Variants in ZFHX3 observed in about 807,000 individuals in gnomAD.
ZFHX3 encodes zinc finger homeobox protein 3.
ZFHX3 carries 42 observed loss-of-function variants against 279.1 expected under a neutral mutation model. The observed-to-expected ratio is 0.15, with a 90% CI of 0.12 to 0.19. The LOEUF (loss-of-function observed/expected upper bound fraction) is 0.19, where lower values mean the gene tolerates loss of function less well. ZFHX3 is among the 10% of genes least tolerant of loss of function. The probability of loss-of-function intolerance (pLI) is 1.00; values close to 1 mark genes in which losing one functional copy is unlikely to be tolerated. For missense variants in ZFHX3, 4,981 were observed against 4,754.0 expected (o/e 1.05, Z -1.40); for synonymous variants, 2,293 against 1,957.8 (o/e 1.17, Z -4.52).
At chr16:73,164,002 A>T (rs1415477335) in intron 5 of ZFHX3, among the ~76,000 whole-genome samples, 1 of 152,170 alleles carries the variant, frequency 6.6e-6, no homozygotes, top group East Asian at 1.9e-4. Flanking sequence ...GAGGTTGGTT[A>T]AAAGCCTGGC....
intron 4 of ZFHX3, among the ~76,000 whole-genome samples, chr16:73,280,378 A>C (rs1472706301): frequency 6.6e-6 from 1 of 152,222 alleles, no homozygotes; most frequent in Non-Finnish European, 1.5e-5. Flanking sequence ...TATCCAAAAT[A>C]CATTAAAAAC....
Position 73,807,620 on chromosome 16 carries a change from A to ATTTTTTTT in ZFHX3, c.-1608+84023_-1608+84030dup, listed in dbSNP as rs55806545. Reference sequence around the variant, plus strand: ...TACAGGCACATTCCACCATGCCCCAATTTTTTTTTTTTTTTTTTTTTTTTT... The same window carrying ATTTTTTTT: ...TACAGGCACATTCCACCATGCCCCAATTTTTTTTTTTTTTTTTTTTTTTTTTTTTTTTT... On this transcript the variant is annotated intron_variant, in intron 1 of 17. Coordinates refer to the ZFHX3 transcript ENST00000641206. Among the ~76,000 whole-genome samples the ATTTTTTTT allele has an allele frequency of 2.6e-4, 18 of 70,580 alleles. 1 individual carries two copies. The highest frequency in any genetic ancestry group is 9.8e-4 in the African/African-American group (18 of 18,276). The allele number at this position is 70,580 out of a possible 152,430, so 46.3% of individuals were successfully genotyped here. A position where few individuals can be genotyped will look rare whatever the true frequency, so the allele number is the denominator to read the frequency against.
At chr16:72,946,812 T>C (rs1960702205) in intron 3 of ZFHX3, among the ~76,000 whole-genome samples, 1 of 152,042 alleles carries the variant, frequency 6.6e-6, no homozygotes, top group African/African-American at 2.4e-5. Flanking sequence ...AGATTGAGAG[T>C]GGGGCCAGGG....
intron 2 of ZFHX3, among the ~76,000 whole-genome samples, chr16:73,490,819 A>C (rs1256075873): frequency 6.6e-6 from 1 of 152,222 alleles, no homozygotes; most frequent in Non-Finnish European, 1.5e-5. Flanking sequence ...CCTGGACAAC[A>C]GAACAAGACC....
At chr16:73,708,010 T>C (rs576390815) in intron 1 of ZFHX3, among the ~76,000 whole-genome samples, 41 of 149,098 alleles carry the variant, frequency 2.7e-4, no homozygotes, top group Middle Eastern at 3.4e-3. Flanking sequence ...CAGAGCTGGG[T>C]GGTAGAGATA....
At chr16:73,102,100 G>A (rs1055390876) in intron 7 of ZFHX3, among the ~76,000 whole-genome samples, 4 of 151,786 alleles carry the variant, frequency 2.6e-5, no homozygotes, top group African/African-American at 9.7e-5. Flanking sequence ...TTTTAGTAGA[G>A]ACGAGGTTTT....
At chr16:73,843,097 G>T (rs1037625469) in intron 1 of ZFHX3, among the ~76,000 whole-genome samples, 4 of 152,160 alleles carry the variant, frequency 2.6e-5, no homozygotes, top group Non-Finnish European at 5.9e-5. Context: ...TTCCAGAATA[G>T]GTGTCAATTT....
intron 3 of ZFHX3, among the ~76,000 whole-genome samples, chr16:72,918,226 G>C (rs1400615833): frequency 6.6e-6 from 1 of 152,134 alleles, no homozygotes; most frequent in Non-Finnish European, 1.5e-5. Context: ...GTCAAAAGCA[G>C]GGGGCAAGGA....
chr16:73,257,402 G>C (rs1420939708), intron 4 of ZFHX3, among the ~76,000 whole-genome samples: 1 of 152,172 alleles, frequency 6.6e-6, no homozygotes, highest in African/African-American at 2.4e-5. Flanking sequence ...CCATGGACTT[G>C]ACTCTGAATT....
intron 3 of ZFHX3, among the ~76,000 whole-genome samples, chr16:73,383,367 C>T (rs1004517664): frequency 2.0e-5 from 3 of 152,208 alleles, no homozygotes; most frequent in Non-Finnish European, 4.4e-5. Flanking sequence ...AAAGCCGAGG[C>T]TGTAGAGCGG....
intron 3 of ZFHX3, among the ~76,000 whole-genome samples, chr16:73,391,251 A>T (rs1026717430): frequency 1.3e-5 from 2 of 152,104 alleles, no homozygotes; most frequent in African/African-American, 4.8e-5. Context: ...CAAGGCATGC[A>T]GATGAGTTCA....
At chr16:73,012,545 C>T (rs977300204) in intron 1 of ZFHX3, among the ~76,000 whole-genome samples, 3 of 152,108 alleles carry the variant, frequency 2.0e-5, no homozygotes, top group Admixed American at 6.6e-5. Flanking sequence ...CGGTGCCCAA[C>T]GGTGGCTACA....
chr16:72,822,699 C>G (rs2036825581), intron 5 of ZFHX3, among the ~76,000 whole-genome samples: 1 of 151,762 alleles, frequency 6.6e-6, no homozygotes, highest in Admixed American at 6.6e-5. Flanking sequence ...GCTCCTTAAT[C>G]TACATTTTCA....
intron 2 of ZFHX3, among the ~76,000 whole-genome samples, chr16:73,599,317 G>A (rs1375410509): frequency 6.6e-6 from 1 of 152,214 alleles, no homozygotes; most frequent in Non-Finnish European, 1.5e-5. Flanking sequence ...GATGTCCTCT[G>A]AGATGCAAAG....
chr16:73,578,101 C>T (rs754643946), intron 2 of ZFHX3, among the ~76,000 whole-genome samples: 1 of 152,224 alleles, frequency 6.6e-6, no homozygotes, highest in Non-Finnish European at 1.5e-5. Flanking sequence ...AAATATAACA[C>T]AGCTCAGATT....
At chr16:72,897,314 G>T (rs2038923544) in intron 3 of ZFHX3, among the ~76,000 whole-genome samples, 1 of 152,212 alleles carries the variant, frequency 6.6e-6, no homozygotes, top group South Asian at 2.1e-4. Context: ...ATGGGGAGAA[G>T]ATGGGGACCA....
chr16:73,288,482 T>G (rs2014686106), intron 4 of ZFHX3, among the ~76,000 whole-genome samples: 1 of 152,198 alleles, frequency 6.6e-6, no homozygotes. Flanking sequence ...AAGACGCTTT[T>G]CTTCACCTAC....
chr16:72,925,801 C>G (rs1280552418), intron 3 of ZFHX3, among the ~76,000 whole-genome samples: 2 of 152,238 alleles, frequency 1.3e-5, no homozygotes, highest in African/African-American at 2.4e-5. Context: ...GGAACGGGCA[C>G]CAGCCAAGGG....
In ZFHX3 at chr16:73,130,743, G is replaced by C. The variant is rs1025289453; in HGVS notation, c.-897+225C>G. Among the ~76,000 whole-genome samples, 8 of 152,256 alleles carry C rather than the reference G, an allele frequency of 5.3e-5. No homozygotes were observed. The East Asian group carries it at 1.5e-3, about 29-fold the overall frequency. ...CTGCCTCAACCTCCCAAGTAGCTGG[G>C]ATTACAGGCACCTGCCACCAAGCCT... On this transcript the variant is annotated intron_variant, in intron 7 of 17. Transcript: ENST00000641206.
Sources: allele counts gnomAD v4.1 joint callset (sites outside exome capture counted in the v4.1 genomes callset), GRCh38; gene constraint gnomAD v4.1.1; transcripts MANE v1.5; gene names NCBI Gene and HGNC (gene_info 2026-07-23, HGNC 2026-07-21).